The following ANO9 variants were observed in gnomAD, a reference collection of about 807,000 sequenced individuals.
The protein encoded by ANO9 is anoctamin-9.
In ANO9, 80 loss-of-function variants were observed where a neutral mutation model predicts 100.5. The ratio of observed to expected loss-of-function variants is 0.80; its 90% CI spans 0.66 to 0.96. The LOEUF is 0.96. ANO9 is among the 40% of genes least tolerant of loss of function. The pLI is 0.00. For synonymous variants in ANO9, 473 were observed against 435.6 expected, an observed-to-expected ratio of 1.09 and a Z score of -1.07; for missense variants, 1,064 against 1,072.7, an observed-to-expected ratio of 0.99 and a Z score of 0.11.
Position 429,906 on chromosome 11 carries a change from G to C in ANO9, c.772-88C>G. Reference sequence around the variant, plus strand: ...CAGGGAGGGAGGCAGGAAAGCCGGGGAAGGGGGCAGGTGGGCTGAGGAAAT... The same window carrying C: ...CAGGGAGGGAGGCAGGAAAGCCGGGCAAGGGGGCAGGTGGGCTGAGGAAAT... On this transcript the variant is annotated intron_variant, in intron 9 of 22. Transcript: ENST00000332826. 4 of 1,249,730 alleles carry C rather than the reference G, an allele frequency of 3.2e-6. No homozygotes were observed. The South Asian group carries it at 5.6e-5, about 17-fold the overall frequency. The allele number at this position is 1,249,730 out of a possible 1,614,324, so 77.4% of individuals were successfully genotyped here.
intron 15 of ANO9, among the ~76,000 whole-genome samples, chr11:425,984 G>A (rs539995375): frequency 2.5e-4 from 38 of 152,002 alleles, no homozygotes; most frequent in Non-Finnish European, 3.1e-4. Context: ...CTCGTGCCTC[G>A]GCCTCCCAAA....
At chr11:425,767 T>C (rs927431332) in intron 15 of ANO9, among the ~76,000 whole-genome samples, 3 of 152,080 alleles carry the variant, frequency 2.0e-5, no homozygotes, top group Admixed American at 2.0e-4. Context: ...AGTCTCACTC[T>C]GTCGCCCAGG....
Position 421,056 on chromosome 11 carries a change from C to G in ANO9, c.1393-14G>C. The G allele has an allele frequency of 6.3e-7, 1 of 1,597,396 alleles. No homozygotes were observed. The highest frequency in any genetic ancestry group is 8.6e-7 in the Non-Finnish European group (1 of 1,168,042). ...GCTGGCGTGGCACTGCGGGGCCAGA[C>G]AGGAGGAGATCAGGGAGGGGTCCTG... is the stretch of plus-strand genomic sequence containing the variant. On this transcript the variant is annotated splice_polypyrimidine_tract_variant and intron_variant, in intron 16 of 22. Coordinates refer to ENST00000332826, the MANE Select transcript of ANO9 (RefSeq NM_001012302.3). The surrounding 1 kb of genome is among the most constrained non-coding windows in gnomAD (Gnocchi z 6.8).
chr11:429,729 CCCCGCAGAGGCGT>C lies in ANO9; in HGVS notation c.832+16_832+28del, dbSNP rs1336000399. 48 of 1,611,744 alleles carry C rather than the reference CCCCGCAGAGGCGT, an allele frequency of 3.0e-5. No individual in the cohort carries two copies. The highest frequency in any genetic ancestry group is 4.1e-5 in the Non-Finnish European group (48 of 1,179,384). On this transcript the variant is annotated intron_variant, in intron 10 of 22. Coordinates refer to ENST00000332826, the MANE Select transcript of ANO9 (RefSeq NM_001012302.3). ...GAGCTTGGGCTGGCACTTCCCCTGGCCCCGCAGAGGCGTCCCGCAGCAACTCACCCCAGAGAGC... is the reference window on the plus strand; with the variant it reads ...GAGCTTGGGCTGGCACTTCCCCTGGCCCCGCAGCAACTCACCCCAGAGAGC...
intron 15 of ANO9, 45 bp downstream of exon 15, chr11:428,043 A>G: frequency 2.3e-6 from 3 of 1,305,020 alleles, no homozygotes; most frequent in Non-Finnish European, 3.0e-6. Flanking sequence ...GCAGTGGAAC[A>G]AGCCCTCGTG....
At chr11:433,543 C>A in intron 3 of ANO9, 84 bp from the exon 4 acceptor site, 3 of 1,506,690 alleles carry the variant, frequency 2.0e-6, no homozygotes, top group Non-Finnish European at 2.7e-6. Flanking sequence ...TCTATTCCAC[C>A]TCAGAACCCT....
At chr11:419,474 G>A (rs1292563398) in intron 20 of ANO9, 108 bp downstream of exon 20, 1 of 1,489,162 alleles carries the variant, frequency 6.7e-7, no homozygotes, top group African/African-American at 1.4e-5. Context: ...AGCCCCAGGG[G>A]TACCAACAGG....
chr11:441,894 G>C, intron 1 of ANO9, 27 bp downstream of exon 1: 15 of 1,605,590 alleles, frequency 9.3e-6, no homozygotes, highest in Non-Finnish European at 1.3e-5. Flanking sequence ...CCTTGAAGGT[G>C]TGGACCCTTT....
chr11:439,033 G>A (rs1345692701), intron 1 of ANO9, among the ~76,000 whole-genome samples: 2 of 152,138 alleles, frequency 1.3e-5, no homozygotes, highest in African/African-American at 2.4e-5. Context: ...TAGCTCTGAC[G>A]CCACCGAAAC....
intron 1 of ANO9, among the ~76,000 whole-genome samples, chr11:436,295 G>A (rs1443850342): frequency 1.3e-5 from 2 of 151,876 alleles, no homozygotes; most frequent in East Asian, 3.9e-4. Context: ...TCGAACTCCC[G>A]ACCTCGGGTG....
chr11:421,634 G>A lies in ANO9; in HGVS notation c.1335-436C>T, dbSNP rs1309676725. On this transcript the variant is annotated intron_variant, in intron 15 of 22. Coordinates refer to ENST00000332826, the MANE Select transcript of ANO9 (RefSeq NM_001012302.3). The surrounding 1 kb of genome is among the most constrained non-coding windows in gnomAD (Gnocchi z 6.8). ...GAGGCCACAGGCTCCCAGACGAACC[G>A]CACCTGCACGTGGGCGCACACACAC... Among the ~76,000 whole-genome samples the A allele has an allele frequency of 2.7e-5, 4 of 150,138 alleles. No homozygotes were observed. The highest frequency in any genetic ancestry group is 4.0e-4 in the East Asian group (2 of 5,046).
chr11:423,741 G>T (rs1381096459), intron 15 of ANO9, among the ~76,000 whole-genome samples: 1 of 152,000 alleles, frequency 6.6e-6, no homozygotes, highest in Non-Finnish European at 1.5e-5. Flanking sequence ...ACATTGCCCA[G>T]GCTGGTCTTG....
In ANO9 at chr11:433,532, C is replaced by CCGCCTCAGAACCCTCCCCCG; in HGVS notation, c.205-74_205-73insCGGGGGAGGGTTCTGAGGCG. The CCGCCTCAGAACCCTCCCCCG allele has an allele frequency of 3.2e-6, 5 of 1,576,638 alleles. No homozygotes were observed. The East Asian group carries it at 6.9e-5, about 22-fold the overall frequency. On this transcript the variant is annotated intron_variant, in intron 3 of 22. Transcript: ENST00000332826. ...CTATCCCGCCTCAGAACCCTCCCCCCTCTATTCCACCTCAGAACCCTCCCC... is the reference window on the plus strand; with the variant it reads ...CTATCCCGCCTCAGAACCCTCCCCCCCGCCTCAGAACCCTCCCCCGTCTATTCCACCTCAGAACCCTCCCC...
intron 15 of ANO9, among the ~76,000 whole-genome samples, chr11:426,352 G>T (rs1420671387): frequency 6.6e-6 from 1 of 152,054 alleles, no homozygotes; most frequent in Non-Finnish European, 1.5e-5. Flanking sequence ...CAGGAGGATT[G>T]CTTGAGCCCA....
chr11:425,286 G>T (rs1487956618), intron 15 of ANO9, among the ~76,000 whole-genome samples: 2 of 150,406 alleles, frequency 1.3e-5, no homozygotes, highest in Non-Finnish European at 2.9e-5. Flanking sequence ...GAGACGGGAC[G>T]CGCGGGAGGA....
chr11:418,704 C>T lies in ANO9; in HGVS notation c.2130+16G>A. 1 of 1,612,744 alleles carries T rather than the reference C, an allele frequency of 6.2e-7. No homozygotes were observed. The highest frequency in any genetic ancestry group is 1.1e-5 in the South Asian group (1 of 91,066). ...TGCCCAGACCCACTCCGAGGCCTCT[C>T]CCGGTTCTGGCTCACCTCAAAGAGG... On this transcript the variant is annotated intron_variant, in intron 22 of 22. Coordinates refer to ENST00000332826, the MANE Select transcript of ANO9 (RefSeq NM_001012302.3).
intron 12 of ANO9, 28 bp from the exon 13 acceptor site, chr11:428,667 C>T: frequency 3.1e-6 from 5 of 1,611,128 alleles, no homozygotes; most frequent in Non-Finnish European, 4.2e-6. Context: ...TGGGCGGGGG[C>T]CGGGGAGGGC....
intron 15 of ANO9, among the ~76,000 whole-genome samples, chr11:426,496 C>A (rs1279329097): frequency 6.6e-6 from 1 of 152,122 alleles, no homozygotes; most frequent in Non-Finnish European, 1.5e-5. Flanking sequence ...TTGCTGGAAC[C>A]AGGAGTTTGA....
intron 1 of ANO9, 33 bp from the exon 2 acceptor site, chr11:434,131 G>C: frequency 3.2e-6 from 5 of 1,546,990 alleles, no homozygotes; most frequent in South Asian, 1.2e-5. Flanking sequence ...AGGGATAGGA[G>C]GATGTGATTG....
Sources: gnomAD v4.1 joint callset for allele counts (sites outside exome capture counted in the v4.1 genomes callset) on GRCh38, gnomAD v4.1.1 for gene constraint, Gnocchi (gnomAD v3.1) non-coding constraint, MANE v1.5 for transcripts, NCBI Gene and HGNC (gene_info 2026-07-23, HGNC 2026-07-21) for gene names.